Variants in FRMD3 observed in about 807,000 individuals in gnomAD.
FRMD3 encodes FERM domain containing 3, also known as FERM domain-containing protein 3.
A neutral mutation model predicts 70.2 loss-of-function variants in FRMD3; 33 were observed. That is an observed-to-expected ratio of 0.47 (90% CI 0.36 to 0.63). The LOEUF is 0.63. FRMD3 is among the 20% of genes least tolerant of loss of function. The pLI, the probability that FRMD3 is intolerant of heterozygous loss-of-function variation, is 0.00. For synonymous variants in FRMD3, 279 were observed against 255.9 expected (o/e 1.09, Z -0.86); for missense variants, 632 against 711.4 (o/e 0.89, Z 1.27).
At chr9:83,283,268 C>T (rs1339138048) in intron 13 of FRMD3, among the ~76,000 whole-genome samples, 1 of 152,044 alleles carries the variant, frequency 6.6e-6, no homozygotes, top group African/African-American at 2.4e-5. Flanking sequence ...CGGTGGTTCA[C>T]GCCTGTAATC....
At chr9:83,311,605 C>T (rs1014737397) in intron 8 of FRMD3, among the ~76,000 whole-genome samples, 1 of 152,054 alleles carries the variant, frequency 6.6e-6, no homozygotes, top group Admixed American at 6.6e-5. Flanking sequence ...CCGTGTGCCC[C>T]CCTTGGCCAC....
At chr9:83,314,238 G>A (rs898657277) in intron 6 of FRMD3, among the ~76,000 whole-genome samples, 1 of 152,066 alleles carries the variant, frequency 6.6e-6, no homozygotes, top group African/African-American at 2.4e-5. Context: ...ACTTCAAAAG[G>A]AAATCTCAAC....
chr9:83,468,186 T>C (rs1292145110), intron 1 of FRMD3, among the ~76,000 whole-genome samples: 1 of 152,234 alleles, frequency 6.6e-6, no homozygotes, highest in Admixed American at 6.5e-5. Flanking sequence ...TTTATATTCA[T>C]TTGAAATCAT....
intron 13 of FRMD3, among the ~76,000 whole-genome samples, chr9:83,275,389 A>G (rs1270573664): frequency 6.6e-6 from 1 of 152,168 alleles, no homozygotes; most frequent in Non-Finnish European, 1.5e-5. Flanking sequence ...AGGCCTTCTA[A>G]TGATCCCCAG....
At chr9:83,456,979 CA>C (rs56964661) in intron 1 of FRMD3, among the ~76,000 whole-genome samples, 3 of 150,630 alleles carry the variant, frequency 2.0e-5, no homozygotes, top group Non-Finnish European at 3.0e-5. Flanking sequence ...GATCCTGTCT[CA>C]AAAAAAAATT....
chr9:83,387,930 T>C (rs2131293237), intron 2 of FRMD3, among the ~76,000 whole-genome samples: 1 of 152,184 alleles, frequency 6.6e-6, no homozygotes, highest in African/African-American at 2.4e-5. Context: ...TCTAAGGTGA[T>C]TTTCTTGCAG....
intron 1 of FRMD3, among the ~76,000 whole-genome samples, chr9:83,411,585 A>C (rs944945260): frequency 6.6e-6 from 1 of 152,192 alleles, no homozygotes; most frequent in African/African-American, 2.4e-5. Context: ...AGAGTGTCTA[A>C]TTGTCTAGGT....
chr9:83,511,302 A>G (rs544454938), intron 1 of FRMD3, among the ~76,000 whole-genome samples: 2 of 152,214 alleles, frequency 1.3e-5, no homozygotes, highest in Admixed American at 6.5e-5. Context: ...CCCCAGTAGC[A>G]TAACAGCCAG....
rs139352321 is a variant in FRMD3 at position 83,255,768 on chromosome 9, A to G, written c.1196-7252T>C. On this transcript the variant is annotated intron_variant, in intron 13 of 13. Transcript: ENST00000304195. ...AGAACCAAATCGTGAATAACCTCCC[A>G]TTCAAAATTGCTGCAAAAAGAATAA... 9.5e-3 allele frequency among the ~76,000 whole-genome samples: 1,447 copies of G among 152,236 alleles called. 22 individuals are homozygous for G. The highest frequency in any genetic ancestry group is 0.033 in the African/African-American group (1,371 of 41,506).
chr9:83,576,684 C>A, the FRMD3 span, among the ~76,000 whole-genome samples: 3 of 152,006 alleles, frequency 2.0e-5, no homozygotes, highest in South Asian at 6.2e-4. Flanking sequence ...CCCCCATGAT[C>A]AATAATAAGA....
the FRMD3 span, among the ~76,000 whole-genome samples, chr9:83,558,277 T>TGTGC: frequency 8.0e-4 from 122 of 151,988 alleles, no homozygotes; most frequent in African/African-American, 1.8e-3. Flanking sequence ...TGTGTGTGTG[T>TGTGC]GCGCGCGCGC....
At chr9:83,382,027 AT>A (rs1257207409) in intron 2 of FRMD3, among the ~76,000 whole-genome samples, 4 of 152,160 alleles carry the variant, frequency 2.6e-5, no homozygotes, top group East Asian at 1.9e-4. Flanking sequence ...CAAAAAAAAA[AT>A]GATAGTTTGA....
the FRMD3 span, among the ~76,000 whole-genome samples, chr9:83,579,226 C>T: frequency 6.6e-6 from 1 of 151,568 alleles, no homozygotes; most frequent in Non-Finnish European, 1.5e-5. Flanking sequence ...GTTTAAAATG[C>T]CTATACTACC....
intron 1 of FRMD3, among the ~76,000 whole-genome samples, chr9:83,397,793 T>A (rs939475569): frequency 6.6e-6 from 1 of 152,180 alleles, no homozygotes; most frequent in African/African-American, 2.4e-5. Context: ...TTGTCTCTGG[T>A]GATTCTTCTA....
intron 3 of FRMD3, 148 bp from the exon 4 acceptor site, chr9:83,349,905 A>T: frequency 7.6e-6 from 4 of 529,706 alleles, no homozygotes; most frequent in Non-Finnish European, 6.8e-6. Flanking sequence ...AGCAGATATG[A>T]TGCCCAAGAA....
At chr9:83,367,583 G>A (rs922101698) in intron 3 of FRMD3, among the ~76,000 whole-genome samples, 5 of 152,174 alleles carry the variant, frequency 3.3e-5, no homozygotes, top group Non-Finnish European at 7.3e-5. Flanking sequence ...GAGACATCTG[G>A]AAGTGAGCAT....
downstream of FRMD3, chr9:83,244,558 T>C: frequency 2.1e-6 from 1 of 470,156 alleles, no homozygotes; most frequent in Non-Finnish European, 2.8e-6. Context: ...GGGAATCCTT[T>C]TATAGTTTCC....
intron 1 of FRMD3, among the ~76,000 whole-genome samples, chr9:83,450,447 T>C (rs28642939): frequency 0.54 from 80,917 of 150,800 alleles, 22,518 homozygotes; most frequent in African/African-American, 0.7. Flanking sequence ...CATGCTGGTG[T>C]GCTGCACCCA....
intron 1 of FRMD3, among the ~76,000 whole-genome samples, chr9:83,424,331 T>C (rs769245166): frequency 3.9e-5 from 6 of 152,330 alleles, no homozygotes; most frequent in African/African-American, 7.2e-5. Flanking sequence ...TGTCTACCCT[T>C]CCACCCTTAC....
Sources: gnomAD v4.1 joint callset for allele counts (sites outside exome capture counted in the v4.1 genomes callset) on GRCh38, gnomAD v4.1.1 for gene constraint, MANE v1.5 for transcripts, NCBI Gene and HGNC (gene_info 2026-07-23, HGNC 2026-07-21) for gene names.